The following FAM83G variants were observed in gnomAD, a reference collection of about 807,000 sequenced individuals.
FAM83G encodes the protein protein FAM83G.
In FAM83G, 38 loss-of-function variants were observed where a neutral mutation model predicts 61.5. The observed-to-expected ratio is 0.62, with a 90% CI of 0.48 to 0.81. The LOEUF is 0.81. Ranked by LOEUF, FAM83G falls within the 30% of genes least tolerant of loss-of-function variation. The probability of loss-of-function intolerance (pLI) is 0.00; values close to 1 mark genes in which losing one functional copy is unlikely to be tolerated. For missense variants in FAM83G, 989 were observed against 1,133.6 expected, an observed-to-expected ratio of 0.87 and a Z score of 1.83; for synonymous variants, 470 against 476.1, an observed-to-expected ratio of 0.99 and a Z score of 0.17.
At chr17:19,005,946 T>G (rs542737930), upstream of FAM83G, among the ~76,000 whole-genome samples, 356 of 152,308 alleles carry the variant, frequency 2.3e-3, 1 homozygote, top group African/African-American at 8.4e-3. Flanking sequence ...TGAAGACCCA[T>G]TTATAGCCCC....
At chr17:19,001,892 C>T (rs2043738403) in intron 2 of FAM83G, among the ~76,000 whole-genome samples, 1 of 152,152 alleles carries the variant, frequency 6.6e-6, no homozygotes, top group African/African-American at 2.4e-5. Context: ...GAGTGGGAAC[C>T]TTGGCACAGC....
chr17:18,977,911 GTCA>G lies in FAM83G; in HGVS notation c.1752_1754del (p.Asp586del), dbSNP rs756232582. ...CCTGGTCACTGAGGGTTACGTAGTCGTCATCATCTTCTTCTTCCACCCCATCCA... is the reference window on the plus strand; with the variant it reads ...CCTGGTCACTGAGGGTTACGTAGTCGTCATCTTCTTCTTCCACCCCATCCA... On this transcript the variant is annotated inframe_deletion, in exon 5 of 6. Coordinates refer to ENST00000388995, the MANE Select transcript of FAM83G (RefSeq NM_001039999.3). 2.5e-6 allele frequency: 4 copies of G among 1,610,224 alleles called. No individual in the cohort carries two copies. The highest frequency in any genetic ancestry group is 2.2e-5 in the South Asian group (2 of 91,042).
intron 2 of FAM83G, among the ~76,000 whole-genome samples, chr17:19,001,455 T>C (rs949310143): frequency 6.6e-6 from 1 of 152,116 alleles, no homozygotes; most frequent in Non-Finnish European, 1.5e-5. Context: ...TCCTGAGGGC[T>C]GGAAAAGCAG....
At position 18,969,237 on chromosome 17, in the gene FAM83G, G is replaced by A; in HGVS notation, c.*2122C>T. 6.3e-7 allele frequency: 1 copy of A among 1,579,828 alleles called. No homozygotes were observed. Among genetic ancestry groups the A allele is most frequent in the Non-Finnish European group, 8.6e-7 (1 of 1,157,460 alleles). On this transcript the variant is annotated 3_prime_UTR_variant, in exon 6 of 6. Coordinates refer to ENST00000388995, the MANE Select transcript of FAM83G (RefSeq NM_001039999.3). The stretch of plus-strand genomic sequence containing the variant: ...GGCCACCTCCCCCTACAGGCCCGAG[G>A]GAGCAGCCCAGGAAGTGGCCCCAGC...
rs1432983662 is a variant in FAM83G, at chr17:19,003,503, TC to T, written c.522+16del. The T allele has an allele frequency of 6.6e-7, 1 of 1,516,478 alleles. No individual in the cohort carries two copies. Among genetic ancestry groups the T allele is most frequent in the East Asian group, 2.3e-5 (1 of 43,392 alleles). 93.9% of individuals were successfully genotyped at this position (1,516,478 alleles called of 1,614,324 possible). ...GCTGGTTGGGCCATGGCTCCAGGAG[TC>T]CCCGCGCTGCCTCACCTTCTGTGCC... On this transcript the variant is annotated intron_variant, in intron 2 of 5. Transcript: ENST00000388995. The surrounding 1 kb of genome is among the most constrained non-coding windows in gnomAD (Gnocchi z 4.5).
chr17:18,973,898 T>C (rs2042916811), intron 5 of FAM83G, among the ~76,000 whole-genome samples: 1 of 147,268 alleles, frequency 6.8e-6, no homozygotes, highest in Admixed American at 6.8e-5. Flanking sequence ...TTTTTTTTTT[T>C]TTTTTTTTCC....
In FAM83G at chr17:18,988,566, G is replaced by T. The variant is rs1188494006; in HGVS notation, c.523-152C>A. 6 of 1,321,250 alleles carry T rather than the reference G, an allele frequency of 4.5e-6. No individual in the cohort carries two copies. In the African/African-American group the frequency reaches 8.9e-5, roughly 20 times the overall value. The allele number at this position is 1,321,250 out of a possible 1,614,324, so 81.8% of individuals were successfully genotyped here. ...GGAGCCTCAGGCCCGGGACCAGGAA[G>T]TGAGGGGCCAGGGGCCTCTCTTGCC... On this transcript the variant is annotated intron_variant, in intron 2 of 5. Transcript: ENST00000388995.
At chr17:18,972,784 C>T (rs1019768559) in intron 5 of FAM83G, among the ~76,000 whole-genome samples, 4 of 151,930 alleles carry the variant, frequency 2.6e-5, no homozygotes, top group Non-Finnish European at 4.4e-5. Context: ...ATGGCGTGAG[C>T]CCAGGAGGTG....
Position 18,971,252 on chromosome 17 carries a change from C to T in FAM83G, c.*107G>A, listed in dbSNP as rs754093325. The stretch of plus-strand genomic sequence containing the variant: ...CAACGTCTCCCGCCCATCCCACCTT[C>T]CTGCCGTCCCAGTGGGCTCTGGTAG... On this transcript the variant is annotated 3_prime_UTR_variant, in exon 6 of 6. Transcript: ENST00000388995. This position sits in a 1 kb window ranked among gnomAD's most constrained non-coding sequence, Gnocchi z 5.5. The T allele has an allele frequency of 1.2e-5, 20 of 1,612,378 alleles. No homozygotes were observed. Among genetic ancestry groups the T allele is most frequent in the Non-Finnish European group, 1.6e-5 (19 of 1,178,968 alleles).
chr17:19,005,239 TC>T (rs2043851055), upstream of FAM83G, among the ~76,000 whole-genome samples: 1 of 152,162 alleles, frequency 6.6e-6, no homozygotes, highest in Admixed American at 6.5e-5. Context: ...GATACCCAGT[TC>T]TCAGTCCTAA....
At position 18,970,033 on chromosome 17, in the gene FAM83G, T is replaced by C. The variant is rs1597831509; in HGVS notation, c.*1326A>G. The stretch of plus-strand genomic sequence containing the variant: ...TAAAGACTCTTCCAGACTCAGACAC[T>C]GGGACCCTGTGGCTGAGCAGTTTCT... On this transcript the variant is annotated 3_prime_UTR_variant, in exon 6 of 6. Transcript: ENST00000388995. 6.6e-6 allele frequency: 1 copy of C among 152,306 alleles called. No individual in the cohort carries two copies. Among genetic ancestry groups the C allele is most frequent in the South Asian group, 2.1e-4 (1 of 4,834 alleles). The allele number at this position is 152,306 out of a possible 1,614,324, so 9.4% of individuals were successfully genotyped here.
In FAM83G at chr17:18,971,388, G is replaced by A; in HGVS notation, c.2443C>T (p.Gln815Ter). The A allele has an allele frequency of 6.2e-7, 1 of 1,613,406 alleles. No homozygotes were observed. Among genetic ancestry groups the A allele is most frequent in the South Asian group, 1.1e-5 (1 of 91,064 alleles). The change falls in exon 6 of 6, where the codon CAA (glutamine) becomes TAA (stop). Residue 815 changes from glutamine (Q) to a stop codon, truncating the protein, a stop_gained. Coordinates refer to ENST00000388995, the MANE Select transcript of FAM83G (RefSeq NM_001039999.3). LOFTEE classifies it high-confidence loss of function. The surrounding 1 kb of genome is among the most constrained non-coding windows in gnomAD (Gnocchi z 5.5). ...GGGTCTTTGCGGTCCCGGGGGGCTT[G>A]AGCCCTCCGTTTAGAATCCGATGAG... ...WASSDSKRRA[Q>*]APRDRKDP
chr17:18,983,534 G>C (rs1392387281), intron 3 of FAM83G, among the ~76,000 whole-genome samples: 3 of 152,214 alleles, frequency 2.0e-5, no homozygotes, highest in African/African-American at 7.2e-5. Context: ...GCAGTGGGGA[G>C]GTCCAGAGAT....
In FAM83G at chr17:19,003,208, C is replaced by T. The variant is rs1010641681; in HGVS notation, c.522+312G>A. Among the ~76,000 whole-genome samples the T allele has an allele frequency of 2.0e-5, 3 of 150,608 alleles. No homozygotes were observed. Among genetic ancestry groups the T allele is most frequent in the African/African-American group, 7.3e-5 (3 of 40,912 alleles). ...AGTGAGAGGAAGCCCTGGGGTTCCTCCCCTCCCCACTCCACCCTATCTCGG... is the reference window on the plus strand; with the variant it reads ...AGTGAGAGGAAGCCCTGGGGTTCCTTCCCTCCCCACTCCACCCTATCTCGG... On this transcript the variant is annotated intron_variant, in intron 2 of 5. Coordinates refer to ENST00000388995, the MANE Select transcript of FAM83G (RefSeq NM_001039999.3). The surrounding 1 kb of genome is among the most constrained non-coding windows in gnomAD (Gnocchi z 4.5).
At chr17:18,998,431 C>A (rs954252858) in intron 2 of FAM83G, among the ~76,000 whole-genome samples, 2 of 152,254 alleles carry the variant, frequency 1.3e-5, no homozygotes, top group Non-Finnish European at 2.9e-5. Flanking sequence ...CCAGGGAGAC[C>A]CAATCCAGGT....
At chr17:18,983,912 C>T (rs1275324285) in intron 3 of FAM83G, among the ~76,000 whole-genome samples, 1 of 152,188 alleles carries the variant, frequency 6.6e-6, no homozygotes, top group Non-Finnish European at 1.5e-5. Context: ...ATACATGTCC[C>T]CTTTTGTGTG....
At chr17:18,985,342 G>A (rs993229663) in intron 3 of FAM83G, among the ~76,000 whole-genome samples, 1 of 152,192 alleles carries the variant, frequency 6.6e-6, no homozygotes, top group Admixed American at 6.5e-5. Context: ...CATGCAGGTG[G>A]CACAGCTGGG....
chr17:18,979,207 C>A, intron 4 of FAM83G: 2 of 466,586 alleles, frequency 4.3e-6, no homozygotes, highest in Non-Finnish European at 3.9e-6. Flanking sequence ...TAACCATGGG[C>A]AGCGCCCACC....
rs2043564832 is a variant in FAM83G at position 18,996,091 on chromosome 17, C to T, written c.522+7429G>A. Among the ~76,000 whole-genome samples the T allele has an allele frequency of 6.6e-6, 1 of 151,238 alleles. No homozygotes were observed. Among genetic ancestry groups the T allele is most frequent in the African/African-American group, 2.4e-5 (1 of 41,052 alleles). ...GTAAGTGGACTTCTCATCAGAATCA[C>T]TGCAAGCCACAAGACAACAGGCAAT... On this transcript the variant is annotated intron_variant, in intron 2 of 5. Transcript: ENST00000388995. The surrounding 1 kb of genome is among the most constrained non-coding windows in gnomAD (Gnocchi z 4.4).
Sources: allele counts gnomAD v4.1 joint callset (sites outside exome capture counted in the v4.1 genomes callset), GRCh38; gene constraint gnomAD v4.1.1; non-coding constraint Gnocchi (gnomAD v3.1); transcripts MANE v1.5; gene names NCBI Gene and HGNC (gene_info 2026-07-23, HGNC 2026-07-21).